MTUS1: variants seen among roughly 807,000 people sequenced by gnomAD.
MTUS1 encodes microtubule-associated tumor suppressor 1.
Under a neutral mutation model 120.8 loss-of-function variants are expected in MTUS1, and 109 were observed. That is an observed-to-expected ratio of 0.90 (90% CI 0.77 to 1.06). MTUS1 has a LOEUF of 1.06. Among genes scored for constraint, MTUS1 ranks in the 50% least tolerant of loss-of-function variants. MTUS1 has a pLI of 0.00. For synonymous variants in MTUS1, 737 were observed against 550.5 expected (o/e 1.34, Z -4.74); for missense variants, 2,210 against 1,486.3 (o/e 1.49, Z -8.01).
chr8:17,680,896 G>A (rs1450019199), intron 7 of MTUS1, among the ~76,000 whole-genome samples: 1 of 151,838 alleles, frequency 6.6e-6, no homozygotes, highest in Admixed American at 6.6e-5. Flanking sequence ...TTCACTGGGG[G>A]GAATACAAGG....
intron 6 of MTUS1, among the ~76,000 whole-genome samples, chr8:17,696,163 G>A (rs550643485): frequency 2.6e-5 from 4 of 152,208 alleles, no homozygotes; most frequent in African/African-American, 9.6e-5. Flanking sequence ...CCTCCTCCTC[G>A]CTGCCTCCCC....
intron 13 of MTUS1, among the ~76,000 whole-genome samples, chr8:17,648,015 T>A (rs552354506): frequency 8.5e-5 from 13 of 152,296 alleles, no homozygotes; most frequent in African/African-American, 3.1e-4. Flanking sequence ...AAAAGGAGTC[T>A]ACGTTCAGTA....
In MTUS1 at chr8:17,644,019, T is replaced by C. The variant is rs1307174868; in HGVS notation, c.*1907A>G. 6.6e-6 allele frequency: 1 copy of C among 152,240 alleles called. No individual in the cohort carries two copies. The highest frequency in any genetic ancestry group is 1.5e-5 in the Non-Finnish European group (1 of 68,046). The allele number at this position is 152,240 out of a possible 1,614,324, so 9.4% of individuals were successfully genotyped here. A position where few individuals can be genotyped will look rare whatever the true frequency, so the allele number is the denominator to read the frequency against. On this transcript the variant is annotated 3_prime_UTR_variant, in exon 15 of 15. Coordinates refer to ENST00000693296, the MANE Select transcript of MTUS1 (RefSeq NM_001363059.2). ...CCCATCCTCCAAAGATGTTTTATATTAACTGCTATGAGATTTATTTGCCGG... is the reference window on the plus strand; with the variant it reads ...CCCATCCTCCAAAGATGTTTTATATCAACTGCTATGAGATTTATTTGCCGG...
intron 8 of MTUS1, among the ~76,000 whole-genome samples, chr8:17,659,041 C>G (rs1414501056): frequency 6.6e-6 from 1 of 152,094 alleles, no homozygotes; most frequent in Non-Finnish European, 1.5e-5. Context: ...CTTGTTTAAC[C>G]CTCACAGAGG....
intron 3 of MTUS1, among the ~76,000 whole-genome samples, chr8:17,742,310 T>TA (rs2047396132): frequency 6.8e-6 from 1 of 146,126 alleles, no homozygotes; most frequent in Non-Finnish European, 1.5e-5. Context: ...TTTTTTTTTT[T>TA]TAGAGATAGT....
rs10094756 is a variant in MTUS1, at chr8:17,670,090, A to T, written c.2905+5096T>A. Among the ~76,000 whole-genome samples the T allele has an allele frequency of 9.3e-3, 1,419 of 152,318 alleles. 21 individuals carry two copies. Among genetic ancestry groups the T allele is most frequent in the African/African-American group, 0.031 (1,301 of 41,584 alleles). ...TGACATGCACGTGGAGGATGGGGGAACAGGAGTATGATTTCAGTTGTTAGC... is the reference window on the plus strand; with the variant it reads ...TGACATGCACGTGGAGGATGGGGGATCAGGAGTATGATTTCAGTTGTTAGC... On this transcript the variant is annotated intron_variant, in intron 8 of 14. Coordinates refer to ENST00000693296, the MANE Select transcript of MTUS1 (RefSeq NM_001363059.2).
chr8:17,754,938 TTG>T lies in MTUS1; in HGVS notation c.868_869del (p.Gln290SerfsTer7). ...TGCCATCAGAAACTGGTGTTAGTGC[TTG>T]TGTCTCCTTTTCTCCAACTAGTCTT... ...QQRLVGEKETQALTPVSDGME... is the reference protein window; with the variant it reads ...QQRLVGEKETXALTPVSDGME... On this transcript the variant is annotated frameshift_variant, in exon 2 of 15. Transcript: ENST00000693296. LOFTEE classifies it high-confidence loss of function. The T allele has an allele frequency of 6.2e-7, 1 of 1,614,154 alleles. No homozygotes were observed. Among genetic ancestry groups the T allele is most frequent in the Non-Finnish European group, 8.5e-7 (1 of 1,179,992 alleles).
chr8:17,721,917 C>T (rs781103001), intron 4 of MTUS1: 19 of 1,603,720 alleles, frequency 1.2e-5, no homozygotes, highest in Non-Finnish European at 1.5e-5. Context: ...AGGATCAAAG[C>T]AAGCTTAAGC....
At chr8:17,778,072 G>C (rs2050595030) in intron 1 of MTUS1, among the ~76,000 whole-genome samples, 2 of 152,244 alleles carry the variant, frequency 1.3e-5, no homozygotes, top group Non-Finnish European at 1.5e-5. Context: ...TATCTTGCCT[G>C]TGTTATTAAA....
chr8:17,736,160 T>C (rs1280560665), intron 3 of MTUS1, among the ~76,000 whole-genome samples: 1 of 152,148 alleles, frequency 6.6e-6, no homozygotes, highest in Non-Finnish European at 1.5e-5. Context: ...TACTCATGAG[T>C]CATTCCACAA....
rs1554533204 is a variant in MTUS1, at chr8:17,767,700, T to TAAGAAAAAAAAAAAAAAAA, written c.-154-11740_-154-11739insTTTTTTTTTTTTTTTTCTT. On this transcript the variant is annotated intron_variant, in intron 1 of 14. Coordinates refer to ENST00000693296, the MANE Select transcript of MTUS1 (RefSeq NM_001363059.2). ...GGTGATAGAGCAAGACCCTGTCTCT[T>TAAGAAAAAAAAAAAAAAAA]AAAAAAAAAAAAAAAAAACGGTGTG... 2.3e-4 allele frequency among the ~76,000 whole-genome samples: 20 copies of TAAGAAAAAAAAAAAAAAAA among 87,872 alleles called. 3 individuals are homozygous for TAAGAAAAAAAAAAAAAAAA. The highest frequency in any genetic ancestry group is 9.7e-4 in the African/African-American group (19 of 19,662). The allele number at this position is 87,872 out of a possible 152,430, so 57.6% of individuals were successfully genotyped here.
intron 6 of MTUS1, among the ~76,000 whole-genome samples, chr8:17,706,899 C>G (rs2979809): frequency 0.22 from 33,986 of 152,018 alleles, 4,183 homozygotes; most frequent in African/African-American, 0.33. Context: ...TTTTAAAAAG[C>G]TGAAGGGTGA....
rs1193746209 is a variant in MTUS1 at position 17,643,936 on chromosome 8, G to A, written c.*1990C>T. The A allele has an allele frequency of 6.6e-6, 1 of 152,128 alleles. No individual in the cohort carries two copies. Among genetic ancestry groups the A allele is most frequent in the East Asian group, 1.9e-4 (1 of 5,196 alleles). The allele number at this position is 152,128 out of a possible 1,614,324, so 9.4% of individuals were successfully genotyped here. On this transcript the variant is annotated 3_prime_UTR_variant, in exon 15 of 15. Coordinates refer to ENST00000693296, the MANE Select transcript of MTUS1 (RefSeq NM_001363059.2). ...TTTTGCATTCTACATGAAACATTTG[G>A]TTTAAACAAAATCTTAAGAATTCTC...
intron 3 of MTUS1, among the ~76,000 whole-genome samples, chr8:17,739,572 T>C (rs1380486493): frequency 2.0e-5 from 3 of 152,194 alleles, no homozygotes; most frequent in South Asian, 2.1e-4. Flanking sequence ...AGATTAATAA[T>C]GTGTTGGTTA....
chr8:17,650,017 CAG>C lies in MTUS1; in HGVS notation c.3385-57_3385-56del, dbSNP rs1419393903. ...TATTCCACATAGTTCAAATTCTTAA[CAG>C]AAAGAATCTTTGATTAGATTGAGAC... On this transcript the variant is annotated intron_variant, in intron 12 of 14. Coordinates refer to ENST00000693296, the MANE Select transcript of MTUS1 (RefSeq NM_001363059.2). 8.7e-6 allele frequency: 8 copies of C among 920,682 alleles called. No individual in the cohort carries two copies. The African/African-American group carries it at 9.8e-5, about 11-fold the overall frequency. The allele number at this position is 920,682 out of a possible 1,614,324, so 57.0% of individuals were successfully genotyped here.
intron 1 of MTUS1, among the ~76,000 whole-genome samples, chr8:17,779,677 C>G (rs2050719152): frequency 6.6e-6 from 1 of 152,216 alleles, no homozygotes; most frequent in African/African-American, 2.4e-5. Flanking sequence ...GCCCCCTTCA[C>G]TTGGCTTCAG....
chr8:17,682,258 G>A (rs927818768), intron 7 of MTUS1, among the ~76,000 whole-genome samples: 2 of 152,216 alleles, frequency 1.3e-5, no homozygotes, highest in Admixed American at 6.5e-5. Context: ...GCTCACGCCT[G>A]TAATTGCAGC....
chr8:17,691,745 G>A (rs76342144), intron 6 of MTUS1, among the ~76,000 whole-genome samples: 2,448 of 151,838 alleles, frequency 0.016, 74 homozygotes, highest in African/African-American at 0.056. Flanking sequence ...CTTCATTGAC[G>A]TCTACATTTT....
At chr8:17,693,521 A>G (rs982599010) in intron 6 of MTUS1, among the ~76,000 whole-genome samples, 1 of 152,180 alleles carries the variant, frequency 6.6e-6, no homozygotes, top group Non-Finnish European at 1.5e-5. Context: ...CCCCCGTCCC[A>G]CCACATTCTA....
Sources: allele counts gnomAD v4.1 joint callset (sites outside exome capture counted in the v4.1 genomes callset), GRCh38; gene constraint gnomAD v4.1.1; transcripts MANE v1.5; gene names NCBI Gene and HGNC (gene_info 2026-07-23, HGNC 2026-07-21).